The following ZMAT1 variants were observed in gnomAD, a reference collection of about 807,000 sequenced individuals.
The protein encoded by ZMAT1 is zinc finger matrin-type 1.
Under a neutral mutation model 18.5 loss-of-function variants are expected in ZMAT1, and 11 were observed. The observed-to-expected ratio is 0.59, with a 90% CI of 0.37 to 0.98. The LOEUF (loss-of-function observed/expected upper bound fraction) is 0.98, where lower values mean the gene tolerates loss of function less well. ZMAT1 is among the 50% of genes least tolerant of loss of function. The probability of loss-of-function intolerance (pLI) is 0.01; values close to 1 mark genes in which losing one functional copy is unlikely to be tolerated. For synonymous variants in ZMAT1, 211 were observed against 176.4 expected (o/e 1.20, Z -1.55); for missense variants, 525 against 496.2 (o/e 1.06, Z -0.55).
intron 1 of ZMAT1, among the ~76,000 whole-genome samples, chrX:101,918,932 A>G (rs894225058): frequency 1.8e-5 from 2 of 110,968 alleles, no homozygotes; most frequent in Non-Finnish European, 3.8e-5. Context: ...AAGCCTATGA[A>G]AATACTAGTG....
At chrX:101,909,875 C>T (rs1014090329) in intron 1 of ZMAT1, among the ~76,000 whole-genome samples, 7 of 112,444 alleles carry the variant, frequency 6.2e-5, no homozygotes, top group Admixed American at 1.9e-4. Flanking sequence ...AAGGCACAGG[C>T]CTGGCTGGCT....
intron 1 of ZMAT1, among the ~76,000 whole-genome samples, chrX:101,929,253 T>C (rs1468539786): frequency 9.2e-6 from 1 of 109,047 alleles, no homozygotes; most frequent in Non-Finnish European, 1.9e-5. Flanking sequence ...AATAACTGAA[T>C]CTTGACAATT....
chrX:101,888,080 A>G (rs930943743), intron 4 of ZMAT1: 6 of 111,882 alleles, frequency 5.4e-5, no homozygotes, highest in African/African-American at 1.9e-4. Context: ...ACATGATTCA[A>G]TGTTTCTAGG....
chrX:101,895,977 A>C (rs1198871341), intron 4 of ZMAT1: 9 of 416,772 alleles, frequency 2.2e-5, no homozygotes, highest in Non-Finnish European at 2.7e-5. Context: ...TTCTCTAAAA[A>C]CCCACTCCCT....
At chrX:101,911,380 C>T (rs1369740928) in intron 1 of ZMAT1, 3 of 293,414 alleles carry the variant, frequency 1.0e-5, no homozygotes, top group Non-Finnish European at 1.7e-5. Flanking sequence ...CAGAAAACCA[C>T]AGAATATTAT....
rs769943813 is a variant in ZMAT1 at position 101,897,962 on chromosome X, C to G, written c.582G>C (p.Gln194His). 2.5e-6 allele frequency: 3 copies of G among 1,211,589 alleles called. No homozygotes were observed. The highest frequency in any genetic ancestry group is 3.5e-5 in the South Asian group (2 of 56,986). ...CATGGACCTTTCCCACATAGTGAGA[C>G]TGAGCAATAAGTGGAGAGCTAAACA... ...NMMFSSPLIA[Q>H]SHYVGKVHAK... Residue 194 changes from glutamine to histidine, a missense_variant, in exon 4 of 6, where the codon CAG becomes CAC. By Grantham distance (24) the Gln-to-His change is conservative. Coordinates refer to ENST00000651725, the MANE Select transcript of ZMAT1 (RefSeq NM_001394560.1).
At chrX:101,888,739 T>A (rs1211587727) in intron 4 of ZMAT1, 1 of 111,794 alleles carries the variant, frequency 8.9e-6, no homozygotes, top group African/African-American at 3.3e-5. Flanking sequence ...TGATTTTTTT[T>A]AACTCATCAG....
intron 1 of ZMAT1, among the ~76,000 whole-genome samples, chrX:101,912,423 AT>A (rs1256026934): frequency 8.9e-6 from 1 of 112,713 alleles, no homozygotes; most frequent in Non-Finnish European, 1.9e-5. Flanking sequence ...GATTCACCGT[AT>A]TCCAAACCAG....
At chrX:101,925,373 T>G (rs1929994940) in intron 1 of ZMAT1, among the ~76,000 whole-genome samples, 1 of 112,423 alleles carries the variant, frequency 8.9e-6, no homozygotes, top group Non-Finnish European at 1.9e-5. Flanking sequence ...ATTTCCCTCT[T>G]ACAAGAAATG....
At chrX:101,898,245 T>C (rs767354453) in intron 2 of ZMAT1, 25 bp from the exon 3 acceptor site, 4 of 1,156,764 alleles carry the variant, frequency 3.5e-6, no homozygotes, top group Non-Finnish European at 4.7e-6. Flanking sequence ...AATATGACTT[T>C]GTTTATTCAA....
Position 101,883,867 on chromosome X carries a change from G to C in ZMAT1, c.1731C>G (p.His577Gln). 1 of 1,209,908 alleles carries C rather than the reference G, an allele frequency of 8.3e-7. No homozygotes were observed. Among genetic ancestry groups the C allele is most frequent in the Non-Finnish European group, 1.1e-6 (1 of 894,844 alleles). Residue 577 changes from histidine (H) to glutamine (Q), a missense_variant, in exon 6 of 6, where the codon CAC becomes CAG. His to Gln is a conservative substitution (Grantham distance 24). Transcript: ENST00000651725. ...CAGCAGTATTGTTTTCTGAAGAGAG[G>C]TGCTTGTAAACTTCAGATTCTACAC... is the stretch of plus-strand genomic sequence containing the variant. ...SYSVESEVYKHLSSENNTADH... is the reference protein window; with the variant it reads ...SYSVESEVYKQLSSENNTADH...
At position 101,883,595 on chromosome X, in the gene ZMAT1, C is replaced by T. The variant is rs144921918; in HGVS notation, c.2003G>A (p.Arg668His). 1.0e-5 allele frequency: 12 copies of T among 1,204,206 alleles called. No individual in the cohort carries two copies. Among genetic ancestry groups the T allele is most frequent in the African/African-American group, 8.9e-5 (5 of 55,968 alleles). ...SHDVPSEKEE[R>H]KHRKEKKKSV... ...TTTCTTTTTCTCTTTCCTGTGCTTA[C>T]GTTCTTCTTTCTCGGAGGGTACATC... Residue 668 changes from arginine to histidine, a missense_variant, in exon 6 of 6, where the codon CGT becomes CAT. Physicochemically the swap from Arg to His is conservative, Grantham distance 29. Transcript: ENST00000651725.
Position 101,898,043 on chromosome X carries a change from C to A in ZMAT1, c.502-1G>T. ...TGTCCACTCCTTCATACCTATGCAC[C>A]TGAAATAGGCACAATCTTGTTAGAA... On this transcript the variant is annotated splice_acceptor_variant, in intron 3 of 5. Transcript: ENST00000651725. LOFTEE classifies it high-confidence loss of function. 1 of 1,210,278 alleles carries A rather than the reference C, an allele frequency of 8.3e-7. No homozygotes were observed. The highest frequency in any genetic ancestry group is 1.1e-6 in the Non-Finnish European group (1 of 894,530).
At chrX:101,919,251 T>C (rs1017684073) in intron 1 of ZMAT1, among the ~76,000 whole-genome samples, 1 of 111,625 alleles carries the variant, frequency 9.0e-6, no homozygotes, top group African/African-American at 3.3e-5. Flanking sequence ...GTAGATATTT[T>C]TGAGAGATAA....
At chrX:101,910,573 A>T (rs1928896680) in intron 1 of ZMAT1, among the ~76,000 whole-genome samples, 1 of 112,407 alleles carries the variant, frequency 8.9e-6, no homozygotes, top group African/African-American at 3.2e-5. Context: ...AATTTAACAA[A>T]GAGATTGAAA....
At chrX:101,924,971 C>T (rs777546747) in intron 1 of ZMAT1, among the ~76,000 whole-genome samples, 2 of 111,845 alleles carry the variant, frequency 1.8e-5, no homozygotes, top group Admixed American at 1.9e-4. Context: ...GTTAATGCCA[C>T]TGAATTTCAC....
At chrX:101,896,151 T>C (rs529949831) in intron 4 of ZMAT1, among the ~76,000 whole-genome samples, 24 of 112,067 alleles carry the variant, frequency 2.1e-4, no homozygotes, top group Middle Eastern at 4.6e-3. Context: ...CATATAAAAA[T>C]CAATGAAAGT....
chrX:101,893,360 T>G (rs1286952387), intron 4 of ZMAT1, among the ~76,000 whole-genome samples: 7 of 111,478 alleles, frequency 6.3e-5, no homozygotes, highest in Non-Finnish European at 1.1e-4. Context: ...AAGTGAAAGT[T>G]GTCATTTCTC....
At chrX:101,896,985 C>T (rs1241813387) in intron 4 of ZMAT1, among the ~76,000 whole-genome samples, 1 of 109,142 alleles carries the variant, frequency 9.2e-6, no homozygotes, top group Non-Finnish European at 1.9e-5. Context: ...AATAGGCTAT[C>T]ATAATAGAAA....
Sources: allele counts gnomAD v4.1 joint callset (sites outside exome capture counted in the v4.1 genomes callset), GRCh38; gene constraint gnomAD v4.1.1; transcripts MANE v1.5; gene names NCBI Gene and HGNC (gene_info 2026-07-23, HGNC 2026-07-21).